The following CBLIF variants were observed in gnomAD, a reference collection of about 807,000 sequenced individuals.
CBLIF encodes the protein gastric intrinsic factor (vitamin B synthesis).
CBLIF carries 24 observed loss-of-function variants against 44.9 expected under a neutral mutation model. The ratio of observed to expected loss-of-function variants is 0.53; its 90% CI spans 0.39 to 0.75. The LOEUF (loss-of-function observed/expected upper bound fraction) is 0.75. Among genes scored for constraint, CBLIF ranks in the 30% least tolerant of loss-of-function variants. CBLIF has a pLI of 0.00. For synonymous variants in CBLIF, 183 were observed against 190.9 expected, an observed-to-expected ratio of 0.96 and a Z score of 0.34; for missense variants, 481 against 513.0, an observed-to-expected ratio of 0.94 and a Z score of 0.60.
chr11:59,835,845 C>A lies in CBLIF; in HGVS notation c.1036G>T (p.Val346Phe). ...TTTTTGCGCTGTGCTTCCTCTAGGA[C>A]AACAAGTAACACTGACCCACTTTTC... is the stretch of plus-strand genomic sequence containing the variant. ...SVKSGSVLLV[V>F]LEEAQRKNPM... is the part of the protein sequence containing the mutation. Residue 346 changes from valine (V) to phenylalanine (F), a missense_variant, in exon 7 of 9, where the codon GTC (valine) becomes TTC (phenylalanine). Physicochemically the swap from Val to Phe is conservative, Grantham distance 50. Coordinates refer to ENST00000257248, the MANE Select transcript of CBLIF (RefSeq NM_005142.3). 6.2e-7 allele frequency: 1 copy of A among 1,614,092 alleles called. No individual in the cohort carries two copies. The highest frequency in any genetic ancestry group is 8.5e-7 in the Non-Finnish European group (1 of 1,179,932).
intron 8 of CBLIF, among the ~76,000 whole-genome samples, chr11:59,831,193 A>G (rs965065762): frequency 6.6e-6 from 1 of 152,182 alleles, no homozygotes. Context: ...TATTCTTCCC[A>G]CTTTCTCCTA....
At position 59,829,473 on chromosome 11, in the gene CBLIF, C is replaced by A; in HGVS notation, c.*11G>T. 6.3e-7 allele frequency: 1 copy of A among 1,581,934 alleles called. No homozygotes were observed. The highest frequency in any genetic ancestry group is 8.7e-7 in the Non-Finnish European group (1 of 1,150,544). On this transcript the variant is annotated 3_prime_UTR_variant, in exon 9 of 9. Transcript: ENST00000257248. ...TGGAGATGTTTGATAGAAGCTGAAC[C>A]CACCTCTTCGTTAGTACTGTGTGAA...
At chr11:59,845,004 C>T (rs1038070029) in intron 1 of CBLIF, among the ~76,000 whole-genome samples, 13 of 151,986 alleles carry the variant, frequency 8.6e-5, no homozygotes, top group African/African-American at 2.2e-4. Flanking sequence ...CATGCCACTG[C>T]GCCCAGCTAA....
At chr11:59,837,053 T>G in intron 6 of CBLIF, 121 bp downstream of exon 6, 6 of 804,718 alleles carry the variant, frequency 7.5e-6, no homozygotes, top group East Asian at 2.5e-5. Context: ...GGGAGTCAGA[T>G]GTACTCTGCC....
At chr11:59,837,482 T>G in intron 5 of CBLIF, 131 bp from the exon 6 acceptor site, 2 of 746,664 alleles carry the variant, frequency 2.7e-6, no homozygotes. Flanking sequence ...GCAAAGCCAA[T>G]GCTATGTAAG....
At chr11:59,836,053 T>C in intron 6 of CBLIF, 44 bp from the exon 7 acceptor site, 1 of 1,505,128 alleles carries the variant, frequency 6.6e-7, no homozygotes, top group Non-Finnish European at 9.3e-7. Context: ...ATTATGGGGT[T>C]TGTATCATAG....
Position 59,831,074 on chromosome 11 carries a change from C to T in CBLIF, c.1192+604G>A, listed in dbSNP as rs115042933. Among the ~76,000 whole-genome samples, 600 of 152,302 alleles carry T rather than the reference C, an allele frequency of 3.9e-3. 6 individuals carry two copies. Among genetic ancestry groups the T allele is most frequent in the African/African-American group, 0.014 (568 of 41,558 alleles). On this transcript the variant is annotated intron_variant, in intron 8 of 8. Transcript: ENST00000257248. ...AGTTAACATCAGGTTAACTAGGTAACGTCATGCTTAGACCAAAACCATACA... is the reference window on the plus strand; with the variant it reads ...AGTTAACATCAGGTTAACTAGGTAATGTCATGCTTAGACCAAAACCATACA...
rs146066280 is a variant in CBLIF at position 59,831,568 on chromosome 11, T to C, written c.1192+110A>G. The C allele has an allele frequency of 1.1e-3, 736 of 691,454 alleles. 5 individuals carry two copies. The African/African-American group carries it at 0.011, about 11-fold the overall frequency. The allele number at this position is 691,454 out of a possible 1,614,324, so 42.8% of individuals were successfully genotyped here. On this transcript the variant is annotated intron_variant, in intron 8 of 8. Coordinates refer to ENST00000257248, the MANE Select transcript of CBLIF (RefSeq NM_005142.3). ...ATAGAATTATTGTATATACACATGA[T>C]CTCATAATTATTAATTAAGTGAATG... is the stretch of plus-strand genomic sequence containing the variant.
intron 5 of CBLIF, among the ~76,000 whole-genome samples, 184 bp from the exon 6 acceptor site, chr11:59,837,535 AG>A (rs1204296044): frequency 6.6e-6 from 1 of 152,220 alleles, no homozygotes; most frequent in African/African-American, 2.4e-5. Flanking sequence ...CCCACCACTT[AG>A]CACAGTGTCT....
At chr11:59,839,277 T>C (rs1461786727) in intron 5 of CBLIF, among the ~76,000 whole-genome samples, 7 of 152,094 alleles carry the variant, frequency 4.6e-5, no homozygotes, top group Non-Finnish European at 7.4e-5. Context: ...TAGGGAAGAG[T>C]GTGGCCTGGG....
At chr11:59,840,996 A>G (rs1443205278) in intron 5 of CBLIF, 147 bp downstream of exon 5, 1 of 729,544 alleles carries the variant, frequency 1.4e-6, no homozygotes, top group Non-Finnish European at 2.5e-6. Context: ...ACCAGTAGAG[A>G]AACTGAGGCC....
chr11:59,836,264 T>A (rs1866455478), intron 6 of CBLIF, among the ~76,000 whole-genome samples: 1 of 152,178 alleles, frequency 6.6e-6, no homozygotes, highest in Admixed American at 6.5e-5. Context: ...AGGATTGGGA[T>A]CAGTTTGCTT....
intron 2 of CBLIF, among the ~76,000 whole-genome samples, chr11:59,843,625 A>T (rs370185467): frequency 5.3e-5 from 8 of 152,198 alleles, no homozygotes; most frequent in African/African-American, 1.7e-4. Flanking sequence ...ATGACGTGGC[A>T]GAGCCAGAAC....
At position 59,833,663 on chromosome 11, in the gene CBLIF, T is replaced by A. The variant is rs7124464; in HGVS notation, c.1074-1867A>T. On this transcript the variant is annotated intron_variant, in intron 7 of 8. Transcript: ENST00000257248. ...GGGTGGAATAGATACCCACGTGGTA[T>A]CACTCAGTTGTCAATTCCTTAGCCT... Among the ~76,000 whole-genome samples the A allele has an allele frequency of 4.4e-3, 670 of 152,334 alleles. 8 individuals carry two copies. The highest frequency in any genetic ancestry group is 0.015 in the African/African-American group (642 of 41,582).
At chr11:59,841,751 T>G (rs1456820590) in intron 4 of CBLIF, among the ~76,000 whole-genome samples, 2 of 152,142 alleles carry the variant, frequency 1.3e-5, no homozygotes, top group Non-Finnish European at 2.9e-5. Context: ...TGATGGGGCA[T>G]GCATAAGGGA....
chr11:59,834,281 TTTCTTTC>T (rs1216729320), intron 7 of CBLIF, among the ~76,000 whole-genome samples: 2 of 138,092 alleles, frequency 1.4e-5, no homozygotes, highest in African/African-American at 2.7e-5. Flanking sequence ...TCTTTCTTTC[TTTCTTTC>T]TTTCTTTCTT....
intron 7 of CBLIF, among the ~76,000 whole-genome samples, chr11:59,835,215 G>A (rs376871657): frequency 4.9e-4 from 74 of 150,136 alleles, no homozygotes; most frequent in Middle Eastern, 3.4e-3. Context: ...GCATGATCTC[G>A]GCTCACCGCA....
intron 5 of CBLIF, among the ~76,000 whole-genome samples, chr11:59,840,687 A>G (rs1228000562): frequency 1.3e-5 from 2 of 152,166 alleles, no homozygotes; most frequent in Non-Finnish European, 2.9e-5. Context: ...CATTTTGAGT[A>G]TAAACTTGCT....
intron 5 of CBLIF, among the ~76,000 whole-genome samples, chr11:59,840,657 T>C (rs1866512376): frequency 6.6e-6 from 1 of 152,172 alleles, no homozygotes; most frequent in Non-Finnish European, 1.5e-5. Context: ...CTGGGTCAAC[T>C]TTAGGTTATT....
Sources: gnomAD v4.1 joint callset for allele counts (sites outside exome capture counted in the v4.1 genomes callset) on GRCh38, gnomAD v4.1.1 for gene constraint, MANE v1.5 for transcripts, NCBI Gene and HGNC (gene_info 2026-07-23, HGNC 2026-07-21) for gene names.